The following GFRAL variants were observed in gnomAD, a reference collection of about 807,000 sequenced individuals.
GFRAL encodes the protein GDNF family receptor alpha-like.
Under a neutral mutation model 45.4 loss-of-function variants are expected in GFRAL, and 36 were observed. The observed-to-expected ratio is 0.79, with a 90% CI of 0.61 to 1.05. The LOEUF is 1.05. Ranked by LOEUF, GFRAL falls within the 50% of genes least tolerant of loss-of-function variation. GFRAL has a pLI of 0.00. For missense variants in GFRAL, 507 were observed against 467.5 expected (o/e 1.08, Z -0.78); for synonymous variants, 166 against 154.1 (o/e 1.08, Z -0.57).
intron 6 of GFRAL, among the ~76,000 whole-genome samples, chr6:55,394,188 C>T (rs530255978): frequency 1.2e-3 from 179 of 152,172 alleles, no homozygotes; most frequent in African/African-American, 4.0e-3. Context: ...AAGAGGAAAC[C>T]TACATTTAGT....
chr6:55,338,872 G>T (rs1235440607), intron 3 of GFRAL, among the ~76,000 whole-genome samples: 2 of 152,118 alleles, frequency 1.3e-5, no homozygotes, highest in African/African-American at 2.4e-5. Flanking sequence ...AAAGAGATTA[G>T]ACTTTAAACC....
intron 6 of GFRAL, among the ~76,000 whole-genome samples, chr6:55,370,251 A>G (rs891115709): frequency 6.6e-6 from 1 of 152,110 alleles, no homozygotes. Flanking sequence ...GTCTCTCAAC[A>G]TCACATTCTT....
chr6:55,343,513 G>A (rs910583576), intron 3 of GFRAL, among the ~76,000 whole-genome samples: 1 of 152,230 alleles, frequency 6.6e-6, no homozygotes, highest in Non-Finnish European at 1.5e-5. Context: ...GAATCTCTAG[G>A]ACACATTTAA....
intron 6 of GFRAL, among the ~76,000 whole-genome samples, chr6:55,369,026 C>T (rs1307559624): frequency 1.3e-5 from 2 of 151,922 alleles, no homozygotes; most frequent in East Asian, 1.9e-4. Flanking sequence ...CAATGGCGGG[C>T]GCCCCTACCC....
rs79408019 is a variant in GFRAL at position 55,334,960 on chromosome 6, T to G, written c.316+1016T>G. Among the ~76,000 whole-genome samples the G allele has an allele frequency of 2.1e-3, 322 of 152,284 alleles. 6 individuals carry two copies. In the East Asian group the frequency reaches 0.054, roughly 25 times the overall value. On this transcript the variant is annotated intron_variant, in intron 3 of 8. Coordinates refer to ENST00000340465, the MANE Select transcript of GFRAL (RefSeq NM_207410.2). ...AAGTAAATTGCATTATTTCCAGGTT[T>G]TCAGGGATTAAAAATAAGGCTGCTA...
Position 55,359,176 on chromosome 6 carries a change from A to G in GFRAL, c.952+38A>G, listed in dbSNP as rs374634382. ...AATAAAATTATCTGTCTATCTATCT[A>G]TCTATCTATCATCTATCTATCTATC... is the stretch of plus-strand genomic sequence containing the variant. On this transcript the variant is annotated intron_variant, in intron 6 of 8. Coordinates refer to ENST00000340465, the MANE Select transcript of GFRAL (RefSeq NM_207410.2). The G allele has an allele frequency of 9.5e-4, 1,460 of 1,542,864 alleles. 25 individuals carry two copies. In the South Asian group the frequency reaches 0.013, roughly 14 times the overall value.
At chr6:55,343,723 A>G (rs1427288062) in intron 3 of GFRAL, among the ~76,000 whole-genome samples, 1 of 152,218 alleles carries the variant, frequency 6.6e-6, no homozygotes, top group Non-Finnish European at 1.5e-5. Flanking sequence ...CCTTCAAAAA[A>G]TCAATGAATC....
chr6:55,384,604 T>C lies in GFRAL; in HGVS notation c.953-14576T>C, dbSNP rs193274131. 6.6e-5 allele frequency among the ~76,000 whole-genome samples: 10 copies of C among 152,234 alleles called. No individual in the cohort carries two copies. The East Asian group carries it at 1.9e-3, about 29-fold the overall frequency. On this transcript the variant is annotated intron_variant, in intron 6 of 8. Coordinates refer to ENST00000340465, the MANE Select transcript of GFRAL (RefSeq NM_207410.2). ...TTAGAAAGGAGTGAAGAATTTTTGC[T>C]TCGCACTGGGTAAAATTAGACTTGG...
intron 6 of GFRAL, among the ~76,000 whole-genome samples, chr6:55,362,373 G>T (rs1010127265): frequency 1.3e-5 from 2 of 151,816 alleles, no homozygotes; most frequent in Non-Finnish European, 2.9e-5. Context: ...TCATAGTTCT[G>T]TTCTGAGAAC....
chr6:55,333,072 CACAAATTGTACCTTATTT>C (rs1311746208), intron 2 of GFRAL, among the ~76,000 whole-genome samples: 1 of 151,988 alleles, frequency 6.6e-6, no homozygotes, highest in African/African-American at 2.4e-5. Flanking sequence ...ATTTAGGTGT[CACAAATTGTACCTTATTT>C]AATTTCAGTA....
At chr6:55,388,479 G>A (rs984498726) in intron 6 of GFRAL, among the ~76,000 whole-genome samples, 1 of 152,152 alleles carries the variant, frequency 6.6e-6, no homozygotes, top group African/African-American at 2.4e-5. Context: ...CTATTCACTA[G>A]CTCTTTCTAG....
intron 3 of GFRAL, 110 bp downstream of exon 3, chr6:55,334,054 C>G: frequency 1.4e-6 from 1 of 707,024 alleles, no homozygotes; most frequent in Non-Finnish European, 2.2e-6. Flanking sequence ...TTGATTAATT[C>G]TTTTCAAAGC....
Position 55,350,133 on chromosome 6 carries a change from C to T in GFRAL, c.358C>T (p.Arg120Cys), listed in dbSNP as rs780448629. The T allele has an allele frequency of 3.3e-6, 5 of 1,533,982 alleles. No homozygotes were observed. Among genetic ancestry groups the T allele is most frequent in the South Asian group, 1.1e-5 (1 of 89,272 alleles). ...TAAATTCAAATGGAATCTAACTACA[C>T]GTTCCCATCATGGTAATGTTTTTAA... ...EDKFKWNLTT[R>C]SHHGFKGMWS... The change falls in exon 4 of 9, where the codon CGT (arginine) becomes TGT (cysteine). Residue 120 changes from arginine (R) to cysteine (C), a missense_variant. Arg to Cys is a radical substitution (Grantham distance 180, BLOSUM62 -3). Transcript: ENST00000340465.
intron 6 of GFRAL, among the ~76,000 whole-genome samples, chr6:55,381,772 A>C (rs1476674271): frequency 2.0e-5 from 3 of 151,846 alleles, no homozygotes; most frequent in Non-Finnish European, 4.4e-5. Flanking sequence ...ACAGACTATA[A>C]ATAAAACACT....
chr6:55,362,922 TAGG>T (rs1047158408), intron 6 of GFRAL, among the ~76,000 whole-genome samples: 6 of 130,778 alleles, frequency 4.6e-5, no homozygotes, highest in African/African-American at 1.8e-4. Flanking sequence ...GAAGGAAGAG[TAGG>T]AGAAGAAGTA....
At chr6:55,353,901 C>G (rs548899596) in intron 5 of GFRAL, among the ~76,000 whole-genome samples, 1 of 152,058 alleles carries the variant, frequency 6.6e-6, no homozygotes, top group Admixed American at 6.6e-5. Context: ...CTCAAATGAA[C>G]TAAAACTATT....
intron 1 of GFRAL, among the ~76,000 whole-genome samples, chr6:55,330,774 AG>A: frequency 6.6e-6 from 1 of 152,278 alleles, no homozygotes; most frequent in South Asian, 2.1e-4. Context: ...CAGGTAGATT[AG>A]GGGTTACAAA....
chr6:55,336,983 T>C (rs146056644), intron 3 of GFRAL, among the ~76,000 whole-genome samples: 1 of 152,140 alleles, frequency 6.6e-6, no homozygotes, highest in Admixed American at 6.5e-5. Context: ...TATTAATTAC[T>C]TCAAACATTT....
At chr6:55,354,739 C>T (rs750523054) in intron 5 of GFRAL, among the ~76,000 whole-genome samples, 4 of 151,904 alleles carry the variant, frequency 2.6e-5, no homozygotes, top group Non-Finnish European at 4.4e-5. Flanking sequence ...GAATATTAAG[C>T]CCTTTATGAT....
Sources: allele counts gnomAD v4.1 joint callset (sites outside exome capture counted in the v4.1 genomes callset), GRCh38; gene constraint gnomAD v4.1.1; transcripts MANE v1.5; gene names NCBI Gene and HGNC (gene_info 2026-07-23, HGNC 2026-07-21).